The following PDZD2 variants were observed in gnomAD, a reference collection of about 807,000 sequenced individuals.
The protein encoded by PDZD2 is PDZ domain-containing protein 2.
A neutral mutation model predicts 220.7 loss-of-function variants in PDZD2; 90 were observed. The ratio of observed to expected loss-of-function variants is 0.41; its 90% CI spans 0.34 to 0.49. The LOEUF is 0.49. Ranked by LOEUF, PDZD2 falls within the 20% of genes least tolerant of loss-of-function variation. The pLI is 0.28. For synonymous variants in PDZD2, 1,375 were observed against 1,450.5 expected (o/e 0.95, Z 1.18); for missense variants, 3,174 against 3,608.5 (o/e 0.88, Z 3.08).
intron 1 of PDZD2, among the ~76,000 whole-genome samples, chr5:31,685,069 CCT>C (rs1350330243): frequency 6.6e-6 from 1 of 152,066 alleles, no homozygotes; most frequent in African/African-American, 2.4e-5. Context: ...GCACCATTGC[CCT>C]CTCTGTTTGT....
chr5:31,822,667 G>A, intron 2 of PDZD2: 1 of 1,326,460 alleles, frequency 7.5e-7, no homozygotes, highest in Non-Finnish European at 1.0e-6. Flanking sequence ...CAAAGCCACT[G>A]AATTTGAAAC....
chr5:31,855,848 C>T (rs1333249708), intron 2 of PDZD2, among the ~76,000 whole-genome samples: 3 of 152,162 alleles, frequency 2.0e-5, no homozygotes, highest in African/African-American at 7.2e-5. Context: ...ATTTTCTGTC[C>T]TGTAGCTCCT....
chr5:31,930,563 A>G (rs1248182657), intron 2 of PDZD2, among the ~76,000 whole-genome samples: 1 of 152,180 alleles, frequency 6.6e-6, no homozygotes, highest in Non-Finnish European at 1.5e-5. Context: ...ATGGTCTCAA[A>G]TACGCATCAA....
At chr5:31,889,356 C>G (rs1273095435) in intron 2 of PDZD2, among the ~76,000 whole-genome samples, 2 of 152,136 alleles carry the variant, frequency 1.3e-5, no homozygotes, top group African/African-American at 2.4e-5. Context: ...GCTTTTAACA[C>G]TTGGCCAGGG....
At chr5:31,778,575 C>T (rs547360434) in intron 1 of PDZD2, among the ~76,000 whole-genome samples, 7 of 152,190 alleles carry the variant, frequency 4.6e-5, no homozygotes, top group Non-Finnish European at 1.0e-4. Context: ...CAGCTTCACT[C>T]CTGAAGCCAG....
intron 6 of PDZD2, among the ~76,000 whole-genome samples, chr5:32,031,565 T>C (rs1018766248): frequency 6.6e-6 from 1 of 152,186 alleles, no homozygotes; most frequent in Non-Finnish European, 1.5e-5. Context: ...TGGATCTCCA[T>C]TGGTTTCTCT....
chr5:31,781,459 G>A (rs1263037052), intron 1 of PDZD2, among the ~76,000 whole-genome samples: 2 of 152,158 alleles, frequency 1.3e-5, no homozygotes, highest in Admixed American at 6.5e-5. Flanking sequence ...CTTCTGTTAG[G>A]GGGTAAAAAG....
chr5:31,670,447 C>T (rs570584083), intron 1 of PDZD2, among the ~76,000 whole-genome samples: 2 of 152,198 alleles, frequency 1.3e-5, no homozygotes, highest in African/African-American at 2.4e-5. Context: ...GATGGAGTCT[C>T]GCCCTGTCGC....
At chr5:31,685,565 C>T (rs1344478107) in intron 1 of PDZD2, among the ~76,000 whole-genome samples, 2 of 152,136 alleles carry the variant, frequency 1.3e-5, no homozygotes. Flanking sequence ...ACTCTGTCGC[C>T]CAGGCTGGAG....
Position 31,691,351 on chromosome 5 carries a change from A to T in PDZD2, c.-361+51914A>T, listed in dbSNP as rs190559350. On this transcript the variant is annotated intron_variant, in intron 1 of 24. Transcript: ENST00000438447. Reference sequence around the variant, plus strand: ...CAGCTCATAAAGGCAGTGTGGACCCAAAGAGTGAGCAGTAGCAAGATTTAT... The same window carrying T: ...CAGCTCATAAAGGCAGTGTGGACCCTAAGAGTGAGCAGTAGCAAGATTTAT... Among the ~76,000 whole-genome samples the T allele has an allele frequency of 3.9e-3, 597 of 152,222 alleles. 7 individuals carry two copies. The highest frequency in any genetic ancestry group is 0.027 in the South Asian group (129 of 4,818).
In PDZD2 at chr5:32,109,368, C is replaced by CAGA. The variant is rs1311788959; in HGVS notation, c.*1237_*1239dup. 3 of 152,202 alleles carry CAGA rather than the reference C, an allele frequency of 2.0e-5. No homozygotes were observed. The highest frequency in any genetic ancestry group is 6.5e-5 in the Admixed American group (1 of 15,274). 9.4% of individuals were successfully genotyped at this position (152,202 alleles called of 1,614,324 possible). A position where few individuals can be genotyped will look rare whatever the true frequency, so the allele number is the denominator to read the frequency against. ...TCCTTTTGCCAAAAATGTTTTCCTA[C>CAGA]AGAAGACTGTCGTGACTCACGCTAC... On this transcript the variant is annotated 3_prime_UTR_variant, in exon 25 of 25. Coordinates refer to ENST00000438447, the MANE Select transcript of PDZD2 (RefSeq NM_178140.4).
At chr5:31,887,988 T>C (rs1740672546) in intron 2 of PDZD2, among the ~76,000 whole-genome samples, 1 of 152,066 alleles carries the variant, frequency 6.6e-6, no homozygotes, top group Admixed American at 6.6e-5. Flanking sequence ...GATGGGCATT[T>C]GGGCACATCA....
intron 1 of PDZD2, among the ~76,000 whole-genome samples, chr5:31,653,360 A>G (rs1286054416): frequency 3.3e-5 from 5 of 151,904 alleles, no homozygotes; most frequent in African/African-American, 1.2e-4. Flanking sequence ...CCCTTCATGA[A>G]GGTTTTTTAA....
At chr5:32,095,189 C>G (rs191141009) in intron 21 of PDZD2, among the ~76,000 whole-genome samples, 1 of 152,182 alleles carries the variant, frequency 6.6e-6, no homozygotes, top group Non-Finnish European at 1.5e-5. Context: ...CACAGTGCTG[C>G]CCGAGGGTGG....
At chr5:32,007,820 T>C (rs1752953179) in intron 5 of PDZD2, among the ~76,000 whole-genome samples, 1 of 152,198 alleles carries the variant, frequency 6.6e-6, no homozygotes. Context: ...GCCCCCTCCC[T>C]GGCCCCTGGC....
intron 18 of PDZD2, among the ~76,000 whole-genome samples, chr5:32,074,896 C>T (rs1413967959): frequency 6.6e-6 from 1 of 152,012 alleles, no homozygotes; most frequent in Non-Finnish European, 1.5e-5. Context: ...CTGCAACCTC[C>T]GCCTCCCAGG....
At chr5:31,919,969 A>G (rs1044743891) in intron 2 of PDZD2, among the ~76,000 whole-genome samples, 14 of 152,144 alleles carry the variant, frequency 9.2e-5, no homozygotes, top group Admixed American at 8.5e-4. Flanking sequence ...GCAGTGAGCT[A>G]TGACTGTGCC....
At chr5:31,645,808 G>A (rs805230) in intron 1 of PDZD2, among the ~76,000 whole-genome samples, 124,084 of 151,964 alleles carry the variant, frequency 0.82, 52,535 homozygotes, top group Non-Finnish European at 0.94. Context: ...TATTCCTACC[G>A]TGAGCAGGGG....
chr5:31,648,837 A>G (rs1212467720), intron 1 of PDZD2, among the ~76,000 whole-genome samples: 2 of 152,072 alleles, frequency 1.3e-5, no homozygotes, highest in African/African-American at 4.8e-5. Context: ...CCTGTGTTGG[A>G]ACATCGTTAT....
Sources: gnomAD v4.1 joint callset for allele counts (sites outside exome capture counted in the v4.1 genomes callset) on GRCh38, gnomAD v4.1.1 for gene constraint, MANE v1.5 for transcripts, NCBI Gene and HGNC (gene_info 2026-07-23, HGNC 2026-07-21) for gene names.